The following FOXN3 variants were observed in gnomAD, a reference collection of about 807,000 sequenced individuals.
FOXN3 encodes forkhead box N3, also known as forkhead box protein N3.
In FOXN3, 7 loss-of-function variants were observed where a neutral mutation model predicts 38.4. The ratio of observed to expected loss-of-function variants is 0.18; its 90% CI spans 0.10 to 0.34. The LOEUF is 0.34. Ranked by LOEUF, FOXN3 falls within the 10% of genes least tolerant of loss-of-function variation. FOXN3 has a pLI of 1.00. For missense variants in FOXN3, 456 were observed against 613.4 expected (o/e 0.74, Z 2.71); for synonymous variants, 230 against 242.2 (o/e 0.95, Z 0.47).
At chr14:89,246,313 CAT>C (rs1205550309) in intron 4 of FOXN3, among the ~76,000 whole-genome samples, 1 of 152,024 alleles carries the variant, frequency 6.6e-6, no homozygotes. Context: ...TAAGTTAAAA[CAT>C]ATATTTTCCC....
intron 1 of FOXN3, among the ~76,000 whole-genome samples, chr14:89,573,666 C>T (rs568840628): frequency 3.2e-4 from 48 of 152,204 alleles, no homozygotes; most frequent in African/African-American, 1.2e-3. Context: ...ATACCTGAGC[C>T]CCTTCATCCC....
intron 4 of FOXN3, chr14:89,184,246 G>A (rs1211775103): frequency 1.3e-5 from 2 of 152,254 alleles, no homozygotes; most frequent in African/African-American, 4.8e-5. Context: ...AGCCACCCTT[G>A]CAGCAAAAAC....
chr14:89,397,053 A>G (rs565149558), intron 2 of FOXN3, among the ~76,000 whole-genome samples: 1 of 152,258 alleles, frequency 6.6e-6, no homozygotes, highest in African/African-American at 2.4e-5. Context: ...CCCATTAATG[A>G]CAGATTGCAT....
chr14:89,553,059 C>G (rs549354163), intron 1 of FOXN3, among the ~76,000 whole-genome samples: 1 of 151,528 alleles, frequency 6.6e-6, no homozygotes, highest in Non-Finnish European at 1.5e-5. Context: ...TGCAAAATGG[C>G]GAAACCTCGT....
chr14:89,493,658 T>G (rs1893624756), intron 1 of FOXN3, among the ~76,000 whole-genome samples: 1 of 152,134 alleles, frequency 6.6e-6, no homozygotes, highest in Admixed American at 6.6e-5. Context: ...CGATTTCCCC[T>G]TAACCGCACA....
At chr14:89,602,919 C>G (rs1485172418) in intron 1 of FOXN3, among the ~76,000 whole-genome samples, 3 of 152,138 alleles carry the variant, frequency 2.0e-5, no homozygotes, top group African/African-American at 7.2e-5. Flanking sequence ...TGATAGTGCT[C>G]TTTATAAGTA....
chr14:89,335,065 A>C (rs1888402653), intron 3 of FOXN3, among the ~76,000 whole-genome samples: 1 of 147,276 alleles, frequency 6.8e-6, no homozygotes, highest in Non-Finnish European at 1.5e-5. Flanking sequence ...GTAGAACTTA[A>C]CTATTTTCAT....
intron 2 of FOXN3, chr14:89,353,442 G>A (rs1022106200): frequency 1.2e-4 from 18 of 152,148 alleles, no homozygotes; most frequent in African/African-American, 4.3e-4. Flanking sequence ...GACGAGTGAA[G>A]ATAAAATGAT....
At chr14:89,547,106 G>C (rs540255163) in intron 1 of FOXN3, among the ~76,000 whole-genome samples, 1 of 152,182 alleles carries the variant, frequency 6.6e-6, no homozygotes, top group African/African-American at 2.4e-5. Context: ...AATTTATAAA[G>C]AACAGAGGCT....
At chr14:89,325,350 C>G (rs1057082427) in intron 3 of FOXN3, among the ~76,000 whole-genome samples, 6 of 144,604 alleles carry the variant, frequency 4.1e-5, no homozygotes, top group Admixed American at 2.7e-4. Flanking sequence ...CCACCACCAC[C>G]ACCACCACCA....
intron 1 of FOXN3, among the ~76,000 whole-genome samples, chr14:89,452,017 C>T (rs1329595439): frequency 1.3e-5 from 2 of 152,044 alleles, no homozygotes; most frequent in African/African-American, 4.8e-5. Context: ...GGAACCACAA[C>T]CTAAAAGTCC....
At chr14:89,593,092 GAGGA>G (rs1212874040) in intron 1 of FOXN3, among the ~76,000 whole-genome samples, 1 of 142,600 alleles carries the variant, frequency 7.0e-6, no homozygotes, top group Non-Finnish European at 1.5e-5. Context: ...AGGGAAGGAG[GAGGA>G]AGGAAAGAAA....
At chr14:89,384,801 G>A (rs996494450) in intron 2 of FOXN3, among the ~76,000 whole-genome samples, 4 of 152,306 alleles carry the variant, frequency 2.6e-5, no homozygotes, top group Admixed American at 2.6e-4. Context: ...TCTACAGGAT[G>A]AACAGGCCTT....
intron 4 of FOXN3, among the ~76,000 whole-genome samples, chr14:89,225,468 G>C (rs1014857792): frequency 6.6e-6 from 1 of 152,036 alleles, no homozygotes; most frequent in Non-Finnish European, 1.5e-5. Context: ...GCTGGGCATG[G>C]TGGTGGGCGC....
chr14:89,392,637 CTTTTT>C (rs71130072), intron 2 of FOXN3, among the ~76,000 whole-genome samples: 1 of 119,272 alleles, frequency 8.4e-6, no homozygotes, highest in Non-Finnish European at 1.6e-5. Context: ...TGTGTCTCGT[CTTTTT>C]TTTTTTTTTT....
At chr14:89,277,366 G>A (rs1407467051) in intron 4 of FOXN3, among the ~76,000 whole-genome samples, 1 of 152,094 alleles carries the variant, frequency 6.6e-6, no homozygotes, top group African/African-American at 2.4e-5. Context: ...AAATGAGCTT[G>A]TCCCCTTCTA....
At chr14:89,500,761 G>A (rs1297794290) in intron 1 of FOXN3, among the ~76,000 whole-genome samples, 1 of 152,186 alleles carries the variant, frequency 6.6e-6, no homozygotes, top group Non-Finnish European at 1.5e-5. Context: ...TGTTCCTGGA[G>A]CAGCCATCCC....
chr14:89,262,078 G>C (rs1037057542), intron 4 of FOXN3, among the ~76,000 whole-genome samples: 3 of 152,118 alleles, frequency 2.0e-5, no homozygotes, highest in African/African-American at 7.2e-5. Flanking sequence ...ACTCCAGCCT[G>C]GGTGACAGAG....
chr14:89,339,300 G>A (rs1421185290), intron 3 of FOXN3, among the ~76,000 whole-genome samples: 1 of 152,140 alleles, frequency 6.6e-6, no homozygotes, highest in Non-Finnish European at 1.5e-5. Context: ...ATGCCACAAT[G>A]AGTAACAAAA....
Sources: allele counts gnomAD v4.1 joint callset (sites outside exome capture counted in the v4.1 genomes callset), GRCh38; gene constraint gnomAD v4.1.1; transcripts MANE v1.5; gene names NCBI Gene and HGNC (gene_info 2026-07-23, HGNC 2026-07-21).